ZC3H12B: variants seen among roughly 807,000 people sequenced by gnomAD.
ZC3H12B encodes zinc finger CCCH-type containing 12B.
ZC3H12B carries 7 observed loss-of-function variants against 43.9 expected under a neutral mutation model. That is an observed-to-expected ratio of 0.16 (90% confidence interval 0.09 to 0.30). The LOEUF (loss-of-function observed/expected upper bound fraction) is 0.30. Among genes scored for constraint, ZC3H12B ranks in the 10% least tolerant of loss-of-function variants. The pLI is 1.00. For synonymous variants in ZC3H12B, 222 were observed against 241.7 expected (o/e 0.92, Z 0.76); for missense variants, 475 against 670.2 (o/e 0.71, Z 3.22).
the ZC3H12B span, among the ~76,000 whole-genome samples, chrX:65,224,742 G>T: frequency 8.9e-6 from 1 of 112,051 alleles, no homozygotes; most frequent in Admixed American, 9.4e-5. Flanking sequence ...TGACTCAGAG[G>T]GTCCTAGGCC....
the ZC3H12B span, among the ~76,000 whole-genome samples, chrX:65,115,838 C>A: frequency 2.7e-5 from 3 of 111,639 alleles, no homozygotes; most frequent in African/African-American, 9.8e-5. Flanking sequence ...TGCTTTTTGG[C>A]CATTTGTATG....
the ZC3H12B span, among the ~76,000 whole-genome samples, chrX:65,051,832 A>C: frequency 3.1e-4 from 34 of 110,694 alleles, 1 homozygote; most frequent in East Asian, 1.4e-3. Context: ...GAAATGATTG[A>C]CTGGGGATGA....
At chrX:65,049,830 T>G in the ZC3H12B span, among the ~76,000 whole-genome samples, 1 of 111,769 alleles carries the variant, frequency 8.9e-6, no homozygotes, top group Non-Finnish European at 1.9e-5. Context: ...TACTTGTGTC[T>G]TCTTTAGTTT....
chrX:65,459,857 G>A (rs2067707196), intron 3 of ZC3H12B, among the ~76,000 whole-genome samples: 2 of 111,500 alleles, frequency 1.8e-5, no homozygotes, highest in South Asian at 7.5e-4. Context: ...GTTCTGGCCA[G>A]GGCAATTAGG....
At chrX:65,258,453 C>T in the ZC3H12B span, among the ~76,000 whole-genome samples, 1 of 111,828 alleles carries the variant, frequency 8.9e-6, no homozygotes, top group Non-Finnish European at 1.9e-5. Flanking sequence ...AAACCCACAG[C>T]CAACATCATA....
chrX:65,098,556 T>C, the ZC3H12B span, among the ~76,000 whole-genome samples: 40 of 109,596 alleles, frequency 3.6e-4, no homozygotes, highest in African/African-American at 1.3e-3. Context: ...CCTGTTCATC[T>C]CATTGGGACT....
At chrX:65,499,081 C>T (rs2068329817) in exon 3 of ZC3H12B, 3 of 1,211,362 alleles carry the variant, frequency 2.5e-6, no homozygotes, top group Non-Finnish European at 2.2e-6. Context: ...GGAGGGTTGT[C>T]TGCTATGATG....
the ZC3H12B span, among the ~76,000 whole-genome samples, chrX:65,333,018 T>A: frequency 9.0e-5 from 10 of 111,709 alleles, no homozygotes; most frequent in African/African-American, 1.6e-4. Context: ...TGACTTTTTT[T>A]AAAAAGCTGA....
At chrX:65,132,906 C>T in the ZC3H12B span, among the ~76,000 whole-genome samples, 1 of 111,550 alleles carries the variant, frequency 9.0e-6, no homozygotes, top group African/African-American at 3.3e-5. Context: ...AGTCTTCAGC[C>T]GTTAAGCTGA....
At chrX:65,148,948 C>CT in the ZC3H12B span, among the ~76,000 whole-genome samples, 1 of 111,564 alleles carries the variant, frequency 9.0e-6, no homozygotes, top group African/African-American at 3.3e-5. Flanking sequence ...CTCTCTCTCT[C>CT]TTTTTTTATT....
At chrX:65,423,796 G>T (rs766577774) in intron 3 of ZC3H12B, among the ~76,000 whole-genome samples, 1 of 111,715 alleles carries the variant, frequency 9.0e-6, no homozygotes, top group Non-Finnish European at 1.9e-5. Context: ...CTCTCATTCT[G>T]TAGGTTGTCT....
the ZC3H12B span, among the ~76,000 whole-genome samples, chrX:65,053,373 T>G: frequency 9.0e-6 from 1 of 110,898 alleles, no homozygotes; most frequent in Non-Finnish European, 1.9e-5. Context: ...TTTTTTTTCC[T>G]TGCGATAGTT....
the ZC3H12B span, among the ~76,000 whole-genome samples, chrX:65,230,960 A>T: frequency 8.9e-6 from 1 of 112,202 alleles, no homozygotes; most frequent in South Asian, 3.7e-4. Context: ...AACCTATTTG[A>T]GATAATAACT....
At chrX:65,271,527 A>C in the ZC3H12B span, 1 of 112,522 alleles carries the variant, frequency 8.9e-6, no homozygotes, top group African/African-American at 3.2e-5. Context: ...TTGGCAGCTG[A>C]AAGTCTCTCA....
At chrX:65,354,507 A>G in the ZC3H12B span, among the ~76,000 whole-genome samples, 2 of 112,035 alleles carry the variant, frequency 1.8e-5, no homozygotes, top group Non-Finnish European at 3.8e-5. Flanking sequence ...ATGAGGAAAA[A>G]CCAGCGCAAA....
chrX:65,187,182 T>C, the ZC3H12B span: 2 of 111,957 alleles, frequency 1.8e-5, no homozygotes, highest in Admixed American at 9.6e-5. Flanking sequence ...CTATGCACTA[T>C]TGTATCATTT....
At chrX:65,296,284 C>T in the ZC3H12B span, among the ~76,000 whole-genome samples, 7 of 110,964 alleles carry the variant, frequency 6.3e-5, no homozygotes, top group South Asian at 7.7e-4. Context: ...TATGTTCTCA[C>T]GCAGATGTGG....
At chrX:65,315,181 A>C in the ZC3H12B span, among the ~76,000 whole-genome samples, 1 of 111,561 alleles carries the variant, frequency 9.0e-6, no homozygotes, top group African/African-American at 3.2e-5. Flanking sequence ...TATCTCAACT[A>C]TATGTGGTAT....
chrX:65,463,422 T>A (rs746093445), intron 3 of ZC3H12B, among the ~76,000 whole-genome samples: 1 of 112,085 alleles, frequency 8.9e-6, no homozygotes, highest in African/African-American at 3.2e-5. Context: ...TGATTCCTTT[T>A]AAAAAATAAA....
Sources: allele counts gnomAD v4.1 joint callset (sites outside exome capture counted in the v4.1 genomes callset), GRCh38; gene constraint gnomAD v4.1.1; transcripts MANE v1.5; gene names NCBI Gene and HGNC (gene_info 2026-07-23, HGNC 2026-07-21).